Variants in VPS35L observed in about 807,000 individuals in gnomAD.
VPS35L encodes the protein VPS35 endosomal protein sorting factor like.
Under a neutral mutation model 133.0 loss-of-function variants are expected in VPS35L, and 83 were observed. That is an observed-to-expected ratio of 0.62 (90% CI 0.52 to 0.75). The LOEUF (loss-of-function observed/expected upper bound fraction) is 0.75. Ranked by LOEUF, VPS35L falls within the 30% of genes least tolerant of loss-of-function variation. The pLI is 0.00. For synonymous variants in VPS35L, 423 were observed against 449.9 expected, an observed-to-expected ratio of 0.94 and a Z score of 0.76; for missense variants, 1,083 against 1,206.8, an observed-to-expected ratio of 0.90 and a Z score of 1.52.
rs1251591714 is a variant in VPS35L at position 19,563,604 on chromosome 16, C to T, written c.18-1247C>T. 2.0e-5 allele frequency among the ~76,000 whole-genome samples: 3 copies of T among 152,314 alleles called. 1 individual carries two copies. In the East Asian group the frequency reaches 5.8e-4, roughly 29 times the overall value. On this transcript the variant is annotated intron_variant, in intron 1 of 30. Coordinates refer to ENST00000417362, the MANE Select transcript of VPS35L (RefSeq NM_020314.7). ...GTGTCTTTGAAATTCTGCCTGTCGT[C>T]CTGTTCTTTTTCTGCTCCATGCTTC...
chr16:19,675,185 A>G (rs995133369), intron 27 of VPS35L, among the ~76,000 whole-genome samples: 5 of 151,780 alleles, frequency 3.3e-5, no homozygotes, highest in African/African-American at 1.2e-4. Flanking sequence ...GCCAAGGCTC[A>G]AGTGCTCCTC....
chr16:19,581,148 G>T (rs770149779), intron 6 of VPS35L, among the ~76,000 whole-genome samples: 10 of 152,052 alleles, frequency 6.6e-5, no homozygotes, highest in Non-Finnish European at 1.0e-4. Context: ...CGATCATCTA[G>T]TCCCATGTCC....
intron 14 of VPS35L, chr16:19,617,540 C>T (rs1198041821): frequency 6.6e-6 from 1 of 152,226 alleles, no homozygotes; most frequent in African/African-American, 2.4e-5. Context: ...AACTCAGATG[C>T]TTAATTTCTT....
chr16:19,556,083 G>A (rs1970845859), intron 1 of VPS35L, among the ~76,000 whole-genome samples: 1 of 152,196 alleles, frequency 6.6e-6, no homozygotes, highest in African/African-American at 2.4e-5. Flanking sequence ...GAGGGTAATG[G>A]TGGACTCAGC....
intron 12 of VPS35L, among the ~76,000 whole-genome samples, chr16:19,613,404 C>A (rs1216255986): frequency 6.6e-6 from 1 of 152,224 alleles, no homozygotes; most frequent in African/African-American, 2.4e-5. Context: ...TAAGAACTTA[C>A]TGGCCAGTGT....
chr16:19,701,123 C>CATTT lies in VPS35L; in HGVS notation c.*650_*653dup, dbSNP rs1344639008. The CATTT allele has an allele frequency of 1.3e-5, 2 of 152,294 alleles. No homozygotes were observed. Among genetic ancestry groups the CATTT allele is most frequent in the Non-Finnish European group, 2.9e-5 (2 of 68,042 alleles). 9.4% of individuals were successfully genotyped at this position (152,294 alleles called of 1,614,324 possible). ...TAACTGAATAAATGTCCTGAAGGAGCATTTATGTTCATGACTGTTCATTTA... is the reference window on the plus strand; with the variant it reads ...TAACTGAATAAATGTCCTGAAGGAGCATTTATTTATGTTCATGACTGTTCATTTA... On this transcript the variant is annotated 3_prime_UTR_variant, in exon 31 of 31. Transcript: ENST00000417362.
chr16:19,615,065 T>C (rs1365599312), intron 12 of VPS35L, among the ~76,000 whole-genome samples: 1 of 152,224 alleles, frequency 6.6e-6, no homozygotes. Context: ...ACTAAGCATG[T>C]AACGGGGGCA....
intron 18 of VPS35L, among the ~76,000 whole-genome samples, chr16:19,630,580 C>T (rs916365048): frequency 3.9e-5 from 6 of 151,944 alleles, no homozygotes; most frequent in East Asian, 3.9e-4. Flanking sequence ...GCAATCAGCC[C>T]GCCTCTGCCT....
intron 1 of VPS35L, among the ~76,000 whole-genome samples, chr16:19,563,729 G>A (rs1420430122): frequency 1.3e-5 from 2 of 152,172 alleles, no homozygotes; most frequent in Non-Finnish European, 2.9e-5. Context: ...TTTCTGCGTG[G>A]CTCCTTTCTC....
chr16:19,700,348 A>G (rs1314141669), intron 30 of VPS35L, 30 bp from the exon 31 acceptor site: 3 of 1,579,086 alleles, frequency 1.9e-6, no homozygotes, highest in African/African-American at 2.7e-5. Flanking sequence ...ATGAACCAGA[A>G]AGGAGATGGA....
intron 14 of VPS35L, among the ~76,000 whole-genome samples, chr16:19,623,988 G>C (rs867989976): frequency 5.4e-5 from 8 of 149,456 alleles, no homozygotes; most frequent in Middle Eastern, 3.2e-3. Context: ...ATTTCTTTTA[G>C]AGATGAGGTT....
chr16:19,622,660 G>A (rs1357491975), intron 14 of VPS35L, among the ~76,000 whole-genome samples: 1 of 152,174 alleles, frequency 6.6e-6, no homozygotes, highest in Non-Finnish European at 1.5e-5. Context: ...TTAGGTAGGC[G>A]TTGAATGATT....
chr16:19,594,675 GA>G (rs1972152484), intron 8 of VPS35L, among the ~76,000 whole-genome samples: 1 of 94,636 alleles, frequency 1.1e-5, no homozygotes, highest in Non-Finnish European at 2.3e-5. Context: ...AAAAAAAGAA[GA>G]GAAAAAAAAT....
At chr16:19,679,469 T>C (rs1975184609) in intron 27 of VPS35L, among the ~76,000 whole-genome samples, 2 of 2,652 alleles carry the variant, frequency 7.5e-4, no homozygotes, top group Admixed American at 8.8e-3. Context: ...TTAAGAACAA[T>C]TATTTATTTA....
At chr16:19,590,991 G>A (rs554357417) in intron 7 of VPS35L, among the ~76,000 whole-genome samples, 2 of 152,174 alleles carry the variant, frequency 1.3e-5, no homozygotes, top group South Asian at 4.2e-4. Context: ...AAATTAAATA[G>A]TCCTGAACAT....
At chr16:19,602,381 T>C (rs1453583339) in intron 9 of VPS35L, among the ~76,000 whole-genome samples, 1 of 152,120 alleles carries the variant, frequency 6.6e-6, no homozygotes, top group Non-Finnish European at 1.5e-5. Flanking sequence ...GCTTGCTCCA[T>C]TGCCGCTCCA....
chr16:19,632,523 T>A (rs181011149), intron 18 of VPS35L, among the ~76,000 whole-genome samples: 1 of 152,246 alleles, frequency 6.6e-6, no homozygotes, highest in African/African-American at 2.4e-5. Flanking sequence ...ATTTTTCCCA[T>A]TGCATCCTTG....
chr16:19,663,084 C>T (rs1974539359), intron 26 of VPS35L, among the ~76,000 whole-genome samples: 1 of 151,974 alleles, frequency 6.6e-6, no homozygotes, highest in Admixed American at 6.6e-5. Context: ...CAGAGGCGGG[C>T]AGATCACCTG....
At chr16:19,590,953 T>G (rs1415013757) in intron 7 of VPS35L, among the ~76,000 whole-genome samples, 1 of 152,004 alleles carries the variant, frequency 6.6e-6, no homozygotes, top group South Asian at 2.1e-4. Flanking sequence ...AGACCTTATC[T>G]CTAATAAAAT....
Sources: gnomAD v4.1 joint callset for allele counts (sites outside exome capture counted in the v4.1 genomes callset) on GRCh38, gnomAD v4.1.1 for gene constraint, MANE v1.5 for transcripts, NCBI Gene and HGNC (gene_info 2026-07-23, HGNC 2026-07-21) for gene names.